The following STAB2 variants were observed in gnomAD, a reference collection of about 807,000 sequenced individuals.
STAB2 encodes stabilin 2.
Under a neutral mutation model 338.1 loss-of-function variants are expected in STAB2, and 288 were observed. That is an observed-to-expected ratio of 0.85 (90% CI 0.77 to 0.94). The LOEUF is 0.94. Ranked by LOEUF, STAB2 falls within the 40% of genes least tolerant of loss-of-function variation. STAB2 has a pLI of 0.00. For missense variants in STAB2, 3,141 were observed against 3,210.1 expected, an observed-to-expected ratio of 0.98 and a Z score of 0.52; for synonymous variants, 1,202 against 1,193.3, an observed-to-expected ratio of 1.01 and a Z score of -0.15.
rs1004055603 is a variant in STAB2, at chr12:103,654,679, C to T, written c.1532C>T (p.Thr511Ile). The change falls in exon 13 of 69, where the codon ACA becomes ATA. Residue 511 changes from threonine to isoleucine, a missense_variant. By Grantham distance (89) the Thr-to-Ile change is moderately conservative. Coordinates refer to ENST00000388887, the MANE Select transcript of STAB2 (RefSeq NM_017564.10). ...AGAGCCATGGACAAGTTAGAACCCACATTTGAGAGCAACAATGAGGTGAGT... is the reference window on the plus strand; with the variant it reads ...AGAGCCATGGACAAGTTAGAACCCATATTTGAGAGCAACAATGAGGTGAGT... ...LDRAMDKLEP[T>I]FESNNEQTIM... 3.1e-6 allele frequency: 5 copies of T among 1,613,908 alleles called. No homozygotes were observed. The highest frequency in any genetic ancestry group is 1.1e-5 in the South Asian group (1 of 90,986).
chr12:103,671,960 A>G (rs987227343), intron 22 of STAB2, among the ~76,000 whole-genome samples: 6 of 152,206 alleles, frequency 3.9e-5, no homozygotes, highest in African/African-American at 1.4e-4. Flanking sequence ...ACTCCAGCCT[A>G]CCAACCGTCT....
At position 103,703,363 on chromosome 12, in the gene STAB2, T is replaced by G. The variant is rs531421030; in HGVS notation, c.3843+87T>G. On this transcript the variant is annotated intron_variant, in intron 35 of 68. Transcript: ENST00000388887. Reference sequence around the variant, plus strand: ...TTTTGGGGGCATAAGGCTTTTCTATTAAGGTGTATCAATTCAGTCCATAAA... The same window carrying G: ...TTTTGGGGGCATAAGGCTTTTCTATGAAGGTGTATCAATTCAGTCCATAAA... The G allele has an allele frequency of 2.0e-6, 3 of 1,505,350 alleles. No homozygotes were observed. In the African/African-American group the frequency reaches 4.2e-5, roughly 21 times the overall value. The allele number at this position is 1,505,350 out of a possible 1,614,324, so 93.2% of individuals were successfully genotyped here.
chr12:103,612,725 G>C (rs1052571246), intron 3 of STAB2, among the ~76,000 whole-genome samples: 3 of 152,162 alleles, frequency 2.0e-5, no homozygotes, highest in Non-Finnish European at 4.4e-5. Flanking sequence ...TCCATTGCTG[G>C]TGAGGAGCTG....
At chr12:103,761,803 T>C (rs1259938232) in intron 66 of STAB2, among the ~76,000 whole-genome samples, 1 of 152,200 alleles carries the variant, frequency 6.6e-6, no homozygotes, top group Non-Finnish European at 1.5e-5. Flanking sequence ...GGAAGGATTG[T>C]AAGTTAGAAA....
At position 103,673,985 on chromosome 12, in the gene STAB2, G is replaced by A; in HGVS notation, c.2450G>A (p.Gly817Asp). ...GACLTGTCRD[G>D]SAGRLCDKQT... ...TGCCTCACTGGCACATGCAGAGACG[G>A]CTCTGCCGGGAGACTCTGTGATAAG... The change falls in exon 23 of 69, where the codon GGC becomes GAC. Residue 817 changes from glycine to aspartate, a missense_variant. Physicochemically the swap from Gly to Asp is moderately conservative, Grantham distance 94. Coordinates refer to ENST00000388887, the MANE Select transcript of STAB2 (RefSeq NM_017564.10). 6.2e-7 allele frequency: 1 copy of A among 1,614,102 alleles called. No individual in the cohort carries two copies. The highest frequency in any genetic ancestry group is 8.5e-7 in the Non-Finnish European group (1 of 1,180,024).
At chr12:103,683,720 C>T (rs1308577762) in intron 26 of STAB2, among the ~76,000 whole-genome samples, 2 of 152,162 alleles carry the variant, frequency 1.3e-5, no homozygotes, top group African/African-American at 4.8e-5. Flanking sequence ...ACTTCCATTT[C>T]GAATGTCACA....
chr12:103,627,475 C>T (rs768849748), intron 5 of STAB2, among the ~76,000 whole-genome samples: 69 of 152,208 alleles, frequency 4.5e-4, no homozygotes, highest in Non-Finnish European at 7.2e-4. Flanking sequence ...TCACGCCACC[C>T]AAGTTTTATG....
chr12:103,702,291 G>GTTT (rs1348975087), intron 34 of STAB2, among the ~76,000 whole-genome samples: 2 of 124,758 alleles, frequency 1.6e-5, no homozygotes, highest in African/African-American at 6.1e-5. Flanking sequence ...AAAATTATCA[G>GTTT]TTATTTTTTT....
At chr12:103,651,728 T>C (rs968331817) in intron 11 of STAB2, among the ~76,000 whole-genome samples, 3 of 152,150 alleles carry the variant, frequency 2.0e-5, no homozygotes, top group Non-Finnish European at 2.9e-5. Context: ...CATAAAATGA[T>C]GGAAGCCAAT....
intron 15 of STAB2, among the ~76,000 whole-genome samples, chr12:103,659,390 C>T (rs1328632878): frequency 6.6e-6 from 1 of 152,228 alleles, no homozygotes; most frequent in Non-Finnish European, 1.5e-5. Context: ...TTCTCTTAGC[C>T]TGGGACTTCA....
Position 103,742,481 on chromosome 12 carries a change from T to G in STAB2, c.5958T>G (p.Cys1986Trp). 1 of 1,614,106 alleles carries G rather than the reference T, an allele frequency of 6.2e-7. No homozygotes were observed. The highest frequency in any genetic ancestry group is 1.1e-5 in the South Asian group (1 of 91,070). ...ATCAGTACTCGGCCACCGGAGAGTGTAAATGCAACACCGGCTTCAATGGGA... is the reference window on the plus strand; with the variant it reads ...ATCAGTACTCGGCCACCGGAGAGTGGAAATGCAACACCGGCTTCAATGGGA... ...CLDQYSATGE[C>W]KCNTGFNGTA... The change falls in exon 56 of 69, where the codon TGT (cysteine) becomes TGG (tryptophan). Residue 1986 changes from cysteine to tryptophan, a missense_variant. Transcript: ENST00000388887.
intron 47 of STAB2, 28 bp downstream of exon 47, chr12:103,727,378 G>A (rs752552460): frequency 1.9e-6 from 3 of 1,611,020 alleles, no homozygotes; most frequent in South Asian, 2.2e-5. Flanking sequence ...GGCAGAAGGG[G>A]GAGGTCTGCG....
chr12:103,753,184 G>A (rs1187438106), intron 60 of STAB2, 36 bp from the exon 61 acceptor site: 2 of 1,610,430 alleles, frequency 1.2e-6, no homozygotes, highest in Admixed American at 1.7e-5. Flanking sequence ...CAACCTGGTG[G>A]GCTGACCTGG....
Position 103,747,650 on chromosome 12 carries a change from C to T in STAB2, c.6244+946C>T, listed in dbSNP as rs555316777. Among the ~76,000 whole-genome samples, 52 of 152,256 alleles carry T rather than the reference C, an allele frequency of 3.4e-4. No homozygotes were observed. The South Asian group carries it at 4.8e-3, about 14-fold the overall frequency. On this transcript the variant is annotated intron_variant, in intron 58 of 68. Transcript: ENST00000388887. ...AGCTACAAGGGAACCTGGGAAATGT[C>T]GTCTTTTATTGGGCAACCATGAACC... is the stretch of plus-strand genomic sequence containing the variant.
At chr12:103,627,671 G>A (rs1314980048) in intron 5 of STAB2, among the ~76,000 whole-genome samples, 2 of 152,234 alleles carry the variant, frequency 1.3e-5, no homozygotes, top group African/African-American at 4.8e-5. Flanking sequence ...CCAGTATAGA[G>A]GCTGTAGTGG....
intron 5 of STAB2, among the ~76,000 whole-genome samples, chr12:103,624,887 G>A (rs1039105101): frequency 3.4e-5 from 5 of 147,600 alleles, no homozygotes; most frequent in African/African-American, 5.0e-5. Flanking sequence ...GCAGTGAGCC[G>A]AGATCGTGCC....
At chr12:103,662,298 G>A (rs140135265) in intron 17 of STAB2, among the ~76,000 whole-genome samples, 2 of 152,272 alleles carry the variant, frequency 1.3e-5, no homozygotes, top group Non-Finnish European at 2.9e-5. Flanking sequence ...CTTGACTTGA[G>A]CAACCAGAAG....
chr12:103,673,115 T>G (rs924659040), intron 22 of STAB2, among the ~76,000 whole-genome samples: 1 of 152,190 alleles, frequency 6.6e-6, no homozygotes, highest in Non-Finnish European at 1.5e-5. Context: ...TGGTTTGATG[T>G]GATAGAGTGA....
At chr12:103,702,866 T>A (rs1482060238) in intron 34 of STAB2, among the ~76,000 whole-genome samples, 1 of 152,246 alleles carries the variant, frequency 6.6e-6, no homozygotes, top group Non-Finnish European at 1.5e-5. Context: ...GGAAGATACC[T>A]AGAAATTATG....
Sources: allele counts gnomAD v4.1 joint callset (sites outside exome capture counted in the v4.1 genomes callset), GRCh38; gene constraint gnomAD v4.1.1; transcripts MANE v1.5; gene names NCBI Gene and HGNC (gene_info 2026-07-23, HGNC 2026-07-21).